Variants in NAALADL2 observed in about 807,000 individuals in gnomAD.
The protein encoded by NAALADL2 is N-acetylated alpha-linked acidic dipeptidase like 2, also known as inactive N-acetylated-alpha-linked acidic dipeptidase-like protein 2.
In NAALADL2, 76 loss-of-function variants were observed where a neutral mutation model predicts 87.2. The ratio of observed to expected loss-of-function variants is 0.87; its 90% CI spans 0.72 to 1.05. NAALADL2 has a LOEUF of 1.05. Among genes scored for constraint, NAALADL2 ranks in the 50% least tolerant of loss-of-function variants. The pLI is 0.00. For missense variants in NAALADL2, 1,089 were observed against 945.8 expected (o/e 1.15, Z -1.99); for synonymous variants, 354 against 331.0 (o/e 1.07, Z -0.75).
intron 1 of NAALADL2, among the ~76,000 whole-genome samples, chr3:175,058,477 GA>G (rs1156513240): frequency 6.6e-6 from 1 of 152,108 alleles, no homozygotes; most frequent in Non-Finnish European, 1.5e-5. Flanking sequence ...TAAGAATCAT[GA>G]AAACAAAATA....
chr3:175,491,091 C>T (rs534411773), intron 9 of NAALADL2, among the ~76,000 whole-genome samples: 74 of 149,544 alleles, frequency 4.9e-4, no homozygotes, highest in African/African-American at 1.7e-3. Flanking sequence ...GCTCTAAGAA[C>T]ATTCAATGGC....
chr3:174,895,761 G>A (rs888544363), intron 1 of NAALADL2, among the ~76,000 whole-genome samples: 2 of 151,966 alleles, frequency 1.3e-5, no homozygotes, highest in East Asian at 1.9e-4. Flanking sequence ...ACAACTGCAG[G>A]CCAATAACTC....
chr3:174,900,259 G>A (rs33979067), intron 1 of NAALADL2, among the ~76,000 whole-genome samples: 25,635 of 151,716 alleles, frequency 0.17, 2,596 homozygotes, highest in East Asian at 0.32. Context: ...CACAAAATTG[G>A]GTAGATATAC....
At chr3:175,181,285 A>T (rs928410616) in intron 2 of NAALADL2, among the ~76,000 whole-genome samples, 1 of 152,058 alleles carries the variant, frequency 6.6e-6, no homozygotes, top group African/African-American at 2.4e-5. Flanking sequence ...GTAGTTTTTT[A>T]TATTGACAAA....
At chr3:175,474,210 T>G (rs1725309014) in intron 9 of NAALADL2, among the ~76,000 whole-genome samples, 1 of 152,210 alleles carries the variant, frequency 6.6e-6, no homozygotes, top group Non-Finnish European at 1.5e-5. Context: ...ATAGAATATC[T>G]AATCCTTTGT....
At chr3:174,668,567 C>T (rs536378968) in intron 2 of NAALADL2, among the ~76,000 whole-genome samples, 2 of 152,200 alleles carry the variant, frequency 1.3e-5, no homozygotes, top group Admixed American at 1.3e-4. Flanking sequence ...GCTATCCCTC[C>T]CCTCTCCCCC....
At chr3:175,271,735 C>T (rs1168684801) in intron 4 of NAALADL2, among the ~76,000 whole-genome samples, 1 of 152,184 alleles carries the variant, frequency 6.6e-6, no homozygotes, top group Non-Finnish European at 1.5e-5. Flanking sequence ...GCAGAGGTTG[C>T]AGTGAGCCGA....
intron 5 of NAALADL2, among the ~76,000 whole-genome samples, chr3:175,343,288 A>G (rs951029658): frequency 6.6e-6 from 1 of 152,090 alleles, no homozygotes; most frequent in African/African-American, 2.4e-5. Context: ...ATGCTTTGGC[A>G]TATATAGAGT....
chr3:175,115,868 A>G (rs1037532105), intron 2 of NAALADL2, among the ~76,000 whole-genome samples: 3 of 151,922 alleles, frequency 2.0e-5, no homozygotes, highest in Non-Finnish European at 2.9e-5. Flanking sequence ...CCAGCAGCAC[A>G]TCAAAAAGCT....
intron 2 of NAALADL2, among the ~76,000 whole-genome samples, chr3:174,732,598 C>T (rs961511632): frequency 6.6e-6 from 1 of 152,150 alleles, no homozygotes. Flanking sequence ...AATATTAAGG[C>T]ATCTCAAAAT....
intron 5 of NAALADL2, among the ~76,000 whole-genome samples, chr3:175,446,367 G>C (rs1185518069): frequency 6.6e-6 from 1 of 152,120 alleles, no homozygotes; most frequent in South Asian, 2.1e-4. Flanking sequence ...TCGGCCTCCT[G>C]AGTAGCCAAG....
chr3:175,289,708 C>A (rs900031417), intron 4 of NAALADL2, among the ~76,000 whole-genome samples: 10 of 152,074 alleles, frequency 6.6e-5, no homozygotes, highest in Admixed American at 5.2e-4. Context: ...CGCCTGTAGT[C>A]CCAGCTACTC....
intron 2 of NAALADL2, among the ~76,000 whole-genome samples, chr3:175,187,317 C>G (rs1737490658): frequency 6.6e-6 from 1 of 152,202 alleles, no homozygotes; most frequent in South Asian, 2.1e-4. Context: ...AGTGCTGTAA[C>G]AGAAGCATTG....
chr3:174,799,081 A>C (rs1467776550), intron 3 of NAALADL2, among the ~76,000 whole-genome samples: 1 of 151,832 alleles, frequency 6.6e-6, no homozygotes, highest in Non-Finnish European at 1.5e-5. Context: ...GAGGCAGGAG[A>C]ATTGCTTGAA....
intron 1 of NAALADL2, among the ~76,000 whole-genome samples, chr3:174,909,439 C>T (rs1183088503): frequency 1.3e-5 from 2 of 152,040 alleles, no homozygotes; most frequent in Non-Finnish European, 1.5e-5. Context: ...GACACTTGTG[C>T]AAACTCATGA....
intron 3 of NAALADL2, among the ~76,000 whole-genome samples, chr3:174,796,466 A>G (rs775083144): frequency 1.3e-5 from 2 of 152,122 alleles, no homozygotes; most frequent in African/African-American, 2.4e-5. Flanking sequence ...GTAAGTGAGA[A>G]TATGAAGTAT....
chr3:174,650,993 A>G (rs1031363525), intron 2 of NAALADL2, among the ~76,000 whole-genome samples: 3 of 152,098 alleles, frequency 2.0e-5, no homozygotes, highest in African/African-American at 7.2e-5. Flanking sequence ...ACAACTGTCC[A>G]GGTTCTTTAA....
chr3:174,892,623 C>T (rs1220047325), intron 1 of NAALADL2, among the ~76,000 whole-genome samples: 1 of 151,842 alleles, frequency 6.6e-6, no homozygotes, highest in Non-Finnish European at 1.5e-5. Context: ...TATCAATATC[C>T]AATTACAAGA....
At chr3:174,894,896 A>G (rs1300697441) in intron 1 of NAALADL2, among the ~76,000 whole-genome samples, 2 of 152,084 alleles carry the variant, frequency 1.3e-5, no homozygotes, top group African/African-American at 2.4e-5. Context: ...AATCTATACA[A>G]ATACAGGGAA....
Sources: gnomAD v4.1 joint callset for allele counts (sites outside exome capture counted in the v4.1 genomes callset) on GRCh38, gnomAD v4.1.1 for gene constraint, MANE v1.5 for transcripts, NCBI Gene and HGNC (gene_info 2026-07-23, HGNC 2026-07-21) for gene names.